The following HACD3 variants were observed in gnomAD, a reference collection of about 807,000 sequenced individuals.
HACD3 encodes the protein very-long-chain (3R)-3-hydroxyacyl-CoA dehydratase 3.
In HACD3, 30 loss-of-function variants were observed where a neutral mutation model predicts 55.2. That is an observed-to-expected ratio of 0.54 (90% confidence interval 0.41 to 0.74). The LOEUF (loss-of-function observed/expected upper bound fraction) is 0.74, where lower values mean the gene tolerates loss of function less well. Ranked by LOEUF, HACD3 falls within the 30% of genes least tolerant of loss-of-function variation. HACD3 has a pLI of 0.00. For missense variants in HACD3, 363 were observed against 440.1 expected (o/e 0.82, Z 1.57); for synonymous variants, 141 against 151.7 (o/e 0.93, Z 0.52).
intron 4 of HACD3, among the ~76,000 whole-genome samples, chr15:65,557,882 G>C (rs2072208774): frequency 6.7e-6 from 1 of 150,232 alleles, no homozygotes; most frequent in African/African-American, 2.4e-5. Flanking sequence ...TCCTCATCCT[G>C]CCCATCTTTC....
intron 1 of HACD3, among the ~76,000 whole-genome samples, chr15:65,544,987 C>T (rs984490982): frequency 2.0e-5 from 3 of 150,600 alleles, no homozygotes; most frequent in Admixed American, 6.6e-5. Flanking sequence ...CACCATTGCA[C>T]TCCAGCCTGG....
chr15:65,574,320 A>T (rs1567341951), intron 10 of HACD3: 1 of 152,212 alleles, frequency 6.6e-6, no homozygotes, highest in Non-Finnish European at 1.5e-5. Flanking sequence ...TTCTTGCCAT[A>T]GCCCGTCTCC....
chr15:65,538,198 G>A (rs187403217), intron 1 of HACD3, among the ~76,000 whole-genome samples: 66 of 151,766 alleles, frequency 4.3e-4, no homozygotes, highest in Non-Finnish European at 7.1e-4. Flanking sequence ...TAAAACTGTC[G>A]TAGGTAGTGA....
At chr15:65,547,980 A>G (rs535928619) in intron 1 of HACD3, among the ~76,000 whole-genome samples, 52 of 152,368 alleles carry the variant, frequency 3.4e-4, no homozygotes, top group African/African-American at 1.2e-3. Flanking sequence ...AATACAAAGT[A>G]GGAAGGAAAC....
At chr15:65,548,335 T>C (rs146912783) in intron 1 of HACD3, among the ~76,000 whole-genome samples, 1 of 152,028 alleles carries the variant, frequency 6.6e-6, no homozygotes, top group African/African-American at 2.4e-5. Context: ...ATAGTGAGAC[T>C]TGTCTCTGCA....
chr15:65,540,668 A>G (rs2072011425), intron 1 of HACD3, among the ~76,000 whole-genome samples: 1 of 152,146 alleles, frequency 6.6e-6, no homozygotes, highest in Non-Finnish European at 1.5e-5. Context: ...GGTTTGCAAG[A>G]TGTAGGTCAT....
intron 2 of HACD3, among the ~76,000 whole-genome samples, chr15:65,552,697 A>AT (rs902245389): frequency 2.0e-5 from 3 of 147,470 alleles, no homozygotes; most frequent in Non-Finnish European, 4.5e-5. Flanking sequence ...TAAATTTATT[A>AT]TTTTTTTATT....
At chr15:65,569,117 G>A (rs1472912602) in intron 7 of HACD3, among the ~76,000 whole-genome samples, 2 of 151,922 alleles carry the variant, frequency 1.3e-5, no homozygotes, top group African/African-American at 4.8e-5. Context: ...GCGTGGTGGC[G>A]GGCGCCTGTA....
chr15:65,570,078 G>A lies in HACD3; in HGVS notation c.661-13G>A. 8 of 1,525,598 alleles carry A rather than the reference G, an allele frequency of 5.2e-6. No homozygotes were observed. The highest frequency in any genetic ancestry group is 7.2e-6 in the Non-Finnish European group (8 of 1,109,894). The allele number at this position is 1,525,598 out of a possible 1,614,324, so 94.5% of individuals were successfully genotyped here. On this transcript the variant is annotated splice_polypyrimidine_tract_variant and intron_variant, in intron 7 of 10. Transcript: ENST00000261875. Reference sequence around the variant, plus strand: ...TTATTAACTTTTTTCTCTCTTTTGGGTCTTTCTAATAGCTTCTTGGAAGAA... The same window carrying A: ...TTATTAACTTTTTTCTCTCTTTTGGATCTTTCTAATAGCTTCTTGGAAGAA...
intron 8 of HACD3, 56 bp downstream of exon 8, chr15:65,570,259 T>C: frequency 7.9e-7 from 1 of 1,264,020 alleles, no homozygotes; most frequent in Non-Finnish European, 1.1e-6. Flanking sequence ...GCAGCAGCTC[T>C]GTTCTTGAGG....
Position 65,577,219 on chromosome 15 carries a change from G to C in HACD3, c.*840G>C, listed in dbSNP as rs982846704. 9 of 152,332 alleles carry C rather than the reference G, an allele frequency of 5.9e-5. No individual in the cohort carries two copies. Among genetic ancestry groups the C allele is most frequent in the Non-Finnish European group, 8.8e-5 (6 of 68,080 alleles). 9.4% of individuals were successfully genotyped at this position (152,332 alleles called of 1,614,324 possible). ...GTGGGAGCATCGCTTGAAGCCAGGA[G>C]TTCAAGACCAGCTTGGGCAACGTAG... On this transcript the variant is annotated 3_prime_UTR_variant, in exon 11 of 11. Transcript: ENST00000261875.
chr15:65,553,438 G>A (rs1318369561), intron 2 of HACD3, among the ~76,000 whole-genome samples: 5 of 152,138 alleles, frequency 3.3e-5, no homozygotes. Flanking sequence ...TGGAGAGGGT[G>A]GGATTTCCAT....
intron 10 of HACD3, among the ~76,000 whole-genome samples, chr15:65,572,971 C>T (rs887533315): frequency 6.7e-6 from 1 of 148,484 alleles, no homozygotes; most frequent in African/African-American, 2.5e-5. Context: ...AAGTAAGGAG[C>T]CTTTTAAAAT....
intron 10 of HACD3, among the ~76,000 whole-genome samples, chr15:65,575,531 A>G (rs1017289282): frequency 6.6e-6 from 1 of 152,140 alleles, no homozygotes; most frequent in Non-Finnish European, 1.5e-5. Flanking sequence ...TTGTTTCTGC[A>G]CTTTAGATTT....
chr15:65,570,340 A>C lies in HACD3; in HGVS notation c.773+137A>C, dbSNP rs578062713. 83 of 631,716 alleles carry C rather than the reference A, an allele frequency of 1.3e-4. 2 individuals are homozygous for C. The South Asian group carries it at 1.7e-3, about 13-fold the overall frequency. The allele number at this position is 631,716 out of a possible 1,614,324, so 39.1% of individuals were successfully genotyped here. ...TACATATGTGGAGAATTCTGGTTGC[A>C]CCTATGTGCTCTGCAAAGTTGAGAC... On this transcript the variant is annotated intron_variant, in intron 8 of 10. Coordinates refer to ENST00000261875, the MANE Select transcript of HACD3 (RefSeq NM_016395.4).
At position 65,572,949 on chromosome 15, in the gene HACD3, T is replaced by C. The variant is rs1322145848; in HGVS notation, c.1012+583T>C. Among the ~76,000 whole-genome samples, 4 of 144,350 alleles carry C rather than the reference T, an allele frequency of 2.8e-5. No homozygotes were observed. In the East Asian group the frequency reaches 7.9e-4, roughly 28 times the overall value. The allele number at this position is 144,350 out of a possible 152,430, so 94.7% of individuals were successfully genotyped here. On this transcript the variant is annotated intron_variant, in intron 10 of 10. Coordinates refer to ENST00000261875, the MANE Select transcript of HACD3 (RefSeq NM_016395.4). Reference sequence around the variant, plus strand: ...AAAAAAATAAATAAATAAATAAAAATTAAAAAAAAAAAAGTAAGGAGCCTT... The same window carrying C: ...AAAAAAATAAATAAATAAATAAAAACTAAAAAAAAAAAAGTAAGGAGCCTT...
intron 4 of HACD3, among the ~76,000 whole-genome samples, chr15:65,557,842 A>G (rs1339308239): frequency 6.6e-6 from 1 of 151,738 alleles, no homozygotes; most frequent in African/African-American, 2.4e-5. Context: ...AAATTCTTCC[A>G]GCTTTGGCAC....
intron 1 of HACD3, among the ~76,000 whole-genome samples, chr15:65,537,514 G>A (rs1046206831): frequency 6.6e-6 from 1 of 151,512 alleles, no homozygotes. Flanking sequence ...AAATCGGCCG[G>A]GCATGGTGGC....
intron 5 of HACD3, among the ~76,000 whole-genome samples, chr15:65,559,456 A>G (rs1447782573): frequency 6.6e-6 from 1 of 151,082 alleles, no homozygotes; most frequent in Non-Finnish European, 1.5e-5. Flanking sequence ...TACTTGTTCT[A>G]AGTTGAAATT....
Sources: allele counts gnomAD v4.1 joint callset (sites outside exome capture counted in the v4.1 genomes callset), GRCh38; gene constraint gnomAD v4.1.1; transcripts MANE v1.5; gene names NCBI Gene and HGNC (gene_info 2026-07-23, HGNC 2026-07-21).